Variants in MTF2 observed in about 807,000 individuals in gnomAD.
The protein encoded by MTF2 is metal response element binding transcription factor 2.
A neutral mutation model predicts 79.5 loss-of-function variants in MTF2; 11 were observed. The ratio of observed to expected loss-of-function variants is 0.14; its 90% CI spans 0.09 to 0.23. The LOEUF is 0.23. MTF2 is among the 10% of genes least tolerant of loss of function. The pLI is 1.00. For missense variants in MTF2, 486 were observed against 711.2 expected (o/e 0.68, Z 3.60); for synonymous variants, 208 against 232.8 (o/e 0.89, Z 0.97).
chr1:93,129,174 TG>T, intron 10 of MTF2, 103 bp from the exon 11 acceptor site: 1 of 703,362 alleles, frequency 1.4e-6, no homozygotes, highest in Non-Finnish European at 2.1e-6. Context: ...TAGTATTGGG[TG>T]GGCTTTCAAG....
chr1:93,110,588 G>A lies in MTF2; in HGVS notation c.248G>A (p.Ser83Asn). ...KQSCFIIFED[S>N]SKSWVLWKDI... is the part of the protein sequence containing the mutation. ...AGCTGCTTCATCATATTTGAAGACA[G>A]TTCTAAATCCTGGGTTCTCTGGAAG... The change falls in exon 3 of 15, where the codon AGT becomes AAT. Residue 83 changes from serine (S) to asparagine (N), a missense_variant. Physicochemically the swap from Ser to Asn is conservative, Grantham distance 46 (BLOSUM62 1). This residue lies in a region of MTF2 where 177 missense variants were observed against 364.0 expected (regional missense o/e 0.49). Coordinates refer to ENST00000370298, the MANE Select transcript of MTF2 (RefSeq NM_007358.4). 3.1e-6 allele frequency: 5 copies of A among 1,613,780 alleles called. No homozygotes were observed. The highest frequency in any genetic ancestry group is 4.2e-6 in the Non-Finnish European group (5 of 1,179,748).
intron 3 of MTF2, among the ~76,000 whole-genome samples, chr1:93,111,157 A>G (rs990550511): frequency 1.3e-5 from 2 of 152,164 alleles, no homozygotes; most frequent in South Asian, 2.1e-4. Context: ...GGTTATAGGT[A>G]TGCTTCTTGT....
chr1:93,119,457 G>A (rs1656386452), intron 8 of MTF2, 56 bp downstream of exon 8: 1 of 1,321,878 alleles, frequency 7.6e-7, no homozygotes, highest in Non-Finnish European at 1.1e-6. Context: ...AAACCTACAA[G>A]TTGAAACTTT....
intron 3 of MTF2, among the ~76,000 whole-genome samples, chr1:93,114,003 GAT>G (rs1491297088): frequency 8.0e-4 from 120 of 150,570 alleles, no homozygotes; most frequent in African/African-American, 2.7e-3. Flanking sequence ...AATTTTGTGT[GAT>G]TTTTTTTTTT....
intron 3 of MTF2, 87 bp downstream of exon 3, chr1:93,110,713 A>G: frequency 1.8e-6 from 2 of 1,088,118 alleles, no homozygotes; most frequent in Non-Finnish European, 2.8e-6. Context: ...TCTGTTGAAT[A>G]CAGTGTATTT....
At chr1:93,127,119 CTG>C in intron 9 of MTF2, 111 bp from the exon 10 acceptor site, 1 of 692,534 alleles carries the variant, frequency 1.4e-6, no homozygotes, top group Non-Finnish European at 2.5e-6. Flanking sequence ...CTTAGATCTT[CTG>C]ACTACCAATC....
chr1:93,111,606 G>T (rs1298950444), intron 3 of MTF2, among the ~76,000 whole-genome samples: 1 of 152,140 alleles, frequency 6.6e-6, no homozygotes, highest in Non-Finnish European at 1.5e-5. Context: ...CAGGGCTTAG[G>T]TGGGGAACTA....
At chr1:93,131,011 T>C (rs902001108) in intron 11 of MTF2, among the ~76,000 whole-genome samples, 8 of 152,018 alleles carry the variant, frequency 5.3e-5, no homozygotes, top group Non-Finnish European at 8.8e-5. Flanking sequence ...GGCAATTGGA[T>C]GTGTAATTCA....
At position 93,130,788 on chromosome 1, in the gene MTF2, A is replaced by G. The variant is rs192603392; in HGVS notation, c.1160+1340A>G. On this transcript the variant is annotated intron_variant, in intron 11 of 14. Coordinates refer to ENST00000370298, the MANE Select transcript of MTF2 (RefSeq NM_007358.4). ...ATTAATTGGATTTGCTAATGAATTA[A>G]ATTTCTGAAAATAAGGAATCAATTA... Among the ~76,000 whole-genome samples the G allele has an allele frequency of 3.6e-3, 551 of 152,328 alleles. 1 individual carries two copies. The highest frequency in any genetic ancestry group is 0.013 in the African/African-American group (536 of 41,554).
Position 93,126,158 on chromosome 1 carries a change from G to T in MTF2, c.922-1074G>T, listed in dbSNP as rs565880611. 2.5e-3 allele frequency among the ~76,000 whole-genome samples: 366 copies of T among 149,104 alleles called. 1 individual carries two copies. Among genetic ancestry groups the T allele is most frequent in the Non-Finnish European group, 4.1e-3 (276 of 67,174 alleles). ...TGAGTACCTAACTCGTATTTAACAT[G>T]TTTTTTTTTTTTAGCACTCAGCATA... is the stretch of plus-strand genomic sequence containing the variant. On this transcript the variant is annotated intron_variant, in intron 9 of 14. Transcript: ENST00000370298.
intron 1 of MTF2, among the ~76,000 whole-genome samples, chr1:93,087,703 G>C (rs187710194): frequency 1.5e-4 from 23 of 152,282 alleles, no homozygotes; most frequent in African/African-American, 5.3e-4. Flanking sequence ...CTTCCCCACT[G>C]TATGTGACCT....
At chr1:93,113,279 C>A (rs1319784911) in intron 3 of MTF2, among the ~76,000 whole-genome samples, 1 of 150,896 alleles carries the variant, frequency 6.6e-6, no homozygotes, top group Admixed American at 6.6e-5. Flanking sequence ...ACTTGGGAGG[C>A]TGAGGTGGGA....
Position 93,118,363 on chromosome 1 carries a change from A to G in MTF2, c.651A>G (p.Leu217=). The G allele has an allele frequency of 3.1e-6, 5 of 1,593,950 alleles. No individual in the cohort carries two copies. Among genetic ancestry groups the G allele is most frequent in the Non-Finnish European group, 4.3e-6 (5 of 1,170,002 alleles). ...GGPGDWYLKM[L]QCCKCKQWFH... is the part of the protein sequence containing the mutation. ...TTAATAGCTGGTATTTGAAGATGCT[A>G]CAGTGCTGCAAATGTAAGCAGTGGT... The change falls in exon 7 of 15, where the codon CTA becomes CTG. Residue 217 remains leucine, a synonymous_variant. Transcript: ENST00000370298.
chr1:93,123,276 A>G (rs1242155850), intron 9 of MTF2, among the ~76,000 whole-genome samples: 9 of 108,984 alleles, frequency 8.3e-5, no homozygotes, highest in African/African-American at 3.2e-4. Flanking sequence ...TTTTTTTTTT[A>G]AGAGACCCTT....
At chr1:93,105,143 C>CAAA (rs11372021) in intron 1 of MTF2, among the ~76,000 whole-genome samples, 18,746 of 109,760 alleles carry the variant, frequency 0.17, 2,333 homozygotes, top group African/African-American at 0.24. Context: ...GACTCCGTCT[C>CAAA]AAAAAAAAAA....
intron 11 of MTF2, among the ~76,000 whole-genome samples, chr1:93,130,332 C>T (rs1421230738): frequency 6.6e-6 from 1 of 152,170 alleles, no homozygotes; most frequent in African/African-American, 2.4e-5. Flanking sequence ...AATCCTAGCA[C>T]TTTGGGAGGC....
rs1253771582 is a variant in MTF2 at position 93,138,655 on chromosome 1, T to G, written c.*1628T>G. Reference sequence around the variant, plus strand: ...TGCAAATTAAAAACTGTTACTTCTGTTTACCTCCACCAAAACTTGATTTTC... The same window carrying G: ...TGCAAATTAAAAACTGTTACTTCTGGTTACCTCCACCAAAACTTGATTTTC... On this transcript the variant is annotated 3_prime_UTR_variant, in exon 15 of 15. Transcript: ENST00000370298. 6.6e-6 allele frequency: 1 copy of G among 152,236 alleles called. No homozygotes were observed. Among genetic ancestry groups the G allele is most frequent in the African/African-American group, 2.4e-5 (1 of 41,466 alleles). The allele number at this position is 152,236 out of a possible 1,614,324, so 9.4% of individuals were successfully genotyped here. A position where few individuals can be genotyped will look rare whatever the true frequency, so the allele number is the denominator to read the frequency against.
Position 93,137,094 on chromosome 1 carries a change from GAGT to G in MTF2, c.*68_*70del. 2 of 1,341,906 alleles carry G rather than the reference GAGT, an allele frequency of 1.5e-6. No homozygotes were observed. The highest frequency in any genetic ancestry group is 2.3e-5 in the Admixed American group (1 of 44,420). The allele number at this position is 1,341,906 out of a possible 1,614,324, so 83.1% of individuals were successfully genotyped here. On this transcript the variant is annotated 3_prime_UTR_variant, in exon 15 of 15. Transcript: ENST00000370298. ...GTAGGTACAGTTCAAAGCCCTAAAG[GAGT>G]CTGGCTTTTACTATCTTTCTTAAAA...
chr1:93,098,383 A>T (rs1655384595), intron 1 of MTF2, among the ~76,000 whole-genome samples: 2 of 152,122 alleles, frequency 1.3e-5, no homozygotes, highest in Admixed American at 1.3e-4. Context: ...TGGTGTGCAC[A>T]CGTGTTTCTC....
Sources: allele counts gnomAD v4.1 joint callset (sites outside exome capture counted in the v4.1 genomes callset), GRCh38; gene constraint gnomAD v4.1.1; regional missense constraint gnomAD v4.1.1; transcripts MANE v1.5; gene names NCBI Gene and HGNC (gene_info 2026-07-23, HGNC 2026-07-21).